The following BIN2 variants were observed in gnomAD, a reference collection of about 807,000 sequenced individuals.
BIN2 encodes breast cancer associated protein BRAP1.
In BIN2, 43 loss-of-function variants were observed where a neutral mutation model predicts 67.9. The observed-to-expected ratio is 0.63, with a 90% CI of 0.50 to 0.82. The LOEUF is 0.82. Among genes scored for constraint, BIN2 ranks in the 40% least tolerant of loss-of-function variants. The pLI is 0.00. For synonymous variants in BIN2, 244 were observed against 246.8 expected, an observed-to-expected ratio of 0.99 and a Z score of 0.11; for missense variants, 581 against 671.6, an observed-to-expected ratio of 0.87 and a Z score of 1.49.
At chr12:51,295,574 AAAAATATAT>A (rs1945528768) in intron 9 of BIN2, among the ~76,000 whole-genome samples, 1 of 16,618 alleles carries the variant, frequency 6.0e-5, no homozygotes, top group African/African-American at 2.7e-4. Flanking sequence ...AAAAAAAAAA[AAAAATATAT>A]ATATATATAT....
chr12:51,283,993 C>CAAAAA (rs34571040), intron 12 of BIN2, among the ~76,000 whole-genome samples: 7 of 133,132 alleles, frequency 5.3e-5, no homozygotes, highest in African/African-American at 8.4e-5. Flanking sequence ...AACTCCGTCT[C>CAAAAA]AAAAAAAAAA....
At chr12:51,304,606 ATGT>A (rs970239338) in intron 2 of BIN2, among the ~76,000 whole-genome samples, 1 of 152,212 alleles carries the variant, frequency 6.6e-6, no homozygotes, top group Non-Finnish European at 1.5e-5. Context: ...AGTTCAGGGG[ATGT>A]TGTACTTGAA....
At chr12:51,295,694 A>G (rs1018389021) in intron 9 of BIN2, 102 bp downstream of exon 9, 6 of 810,290 alleles carry the variant, frequency 7.4e-6, no homozygotes, top group Admixed American at 7.0e-5. Flanking sequence ...CATCACGCAC[A>G]TGCACATAAG....
upstream of BIN2, chr12:51,324,246 G>A: frequency 7.0e-7 from 1 of 1,435,914 alleles, no homozygotes; most frequent in South Asian, 1.5e-5. Context: ...CCAGCCCTGA[G>A]GCCCGCCCCT....
intron 4 of BIN2, 39 bp from the exon 5 acceptor site, chr12:51,302,154 C>T: frequency 1.4e-6 from 2 of 1,464,812 alleles, no homozygotes; most frequent in African/African-American, 1.4e-5. Flanking sequence ...GGCTCCACTT[C>T]CCAACAACAA....
At chr12:51,298,439 G>C (rs1392851943) in intron 7 of BIN2, among the ~76,000 whole-genome samples, 1 of 152,092 alleles carries the variant, frequency 6.6e-6, no homozygotes, top group African/African-American at 2.4e-5. Context: ...TGTAGTCCCA[G>C]CTACTCAGGA....
In BIN2 at chr12:51,302,775, G is replaced by C; in HGVS notation, c.223C>G (p.His75Asp). The C allele has an allele frequency of 6.2e-7, 1 of 1,611,940 alleles. No individual in the cohort carries two copies. The highest frequency in any genetic ancestry group is 8.5e-7 in the Non-Finnish European group (1 of 1,177,994). Residue 75 changes from histidine (H) to aspartate (D), a missense_variant, in exon 4 of 13, where the codon CAT (histidine) becomes GAT (aspartate). Coordinates refer to ENST00000615107, the MANE Select transcript of BIN2 (RefSeq NM_016293.4). ...TCTGACACTCTTTTTGAACTTTCATGCATCACTGAAAGGAGAGAATTCAGT... is the reference window on the plus strand; with the variant it reads ...TCTGACACTCTTTTTGAACTTTCATCCATCACTGAAAGGAGAGAATTCAGT... The part of the protein sequence containing the change: ...KNFLSAVKVM[H>D]ESSKRVSETL...
At chr12:51,318,256 T>G (rs1287119090) in intron 1 of BIN2, among the ~76,000 whole-genome samples, 1 of 147,810 alleles carries the variant, frequency 6.8e-6, no homozygotes, top group Non-Finnish European at 1.5e-5. Context: ...GATTCATATC[T>G]CCATTCTTTT....
chr12:51,306,530 G>A (rs930188461), intron 2 of BIN2, among the ~76,000 whole-genome samples: 12 of 152,356 alleles, frequency 7.9e-5, no homozygotes, highest in Non-Finnish European at 1.5e-4. Flanking sequence ...GGGAGGCTGA[G>A]GCAGGAGAAT....
intron 7 of BIN2, 24 bp downstream of exon 7, chr12:51,299,179 C>A: frequency 6.3e-7 from 1 of 1,576,132 alleles, no homozygotes; most frequent in Non-Finnish European, 8.7e-7. Context: ...AGCAAAGGCA[C>A]CTTTTCTGAA....
chr12:51,294,362 T>C (rs1206990062), intron 9 of BIN2, among the ~76,000 whole-genome samples: 1 of 151,858 alleles, frequency 6.6e-6, no homozygotes, highest in Non-Finnish European at 1.5e-5. Context: ...AGGTCAGAAG[T>C]TCAAGACCAG....
chr12:51,290,682 C>T (rs1945356975), intron 10 of BIN2, among the ~76,000 whole-genome samples: 1 of 151,920 alleles, frequency 6.6e-6, no homozygotes, highest in Admixed American at 6.6e-5. Context: ...CCCTGTAATC[C>T]CAGCACTTTG....
intron 5 of BIN2, among the ~76,000 whole-genome samples, chr12:51,301,720 G>C (rs930781264): frequency 6.6e-6 from 1 of 151,864 alleles, no homozygotes; most frequent in Admixed American, 6.6e-5. Context: ...ATGTTGCCCA[G>C]GCTGGTCCCG....
chr12:51,295,080 G>C (rs542113454), intron 9 of BIN2, among the ~76,000 whole-genome samples: 9 of 152,014 alleles, frequency 5.9e-5, no homozygotes, highest in Non-Finnish European at 1.0e-4. Flanking sequence ...GTACAGTTAC[G>C]CACCACCTTG....
chr12:51,299,421 C>G, intron 6 of BIN2, 133 bp from the exon 7 acceptor site: 1 of 994,800 alleles, frequency 1.0e-6, no homozygotes, highest in African/African-American at 1.6e-5. Context: ...CTGACCATGC[C>G]CTCCCCAGCC....
In BIN2 at chr12:51,324,092, C is replaced by T; in HGVS notation, c.11G>A (p.Gly4Asp). The change falls in exon 1 of 13, where the codon GGC becomes GAC. Residue 4 changes from glycine (G) to aspartate (D), a missense_variant. Gly to Asp is a moderately conservative substitution (Grantham distance 94, BLOSUM62 -1). Coordinates refer to ENST00000615107, the MANE Select transcript of BIN2 (RefSeq NM_016293.4). ...GAGGCCGGCCGCGCCGCCTGCCTTG[C>T]CCTCTGCCATCCTGCCAACTCCCTG... The part of the protein sequence containing the change: MAE[G>D]KAGGAAGLFA... 1 of 1,613,434 alleles carries T rather than the reference C, an allele frequency of 6.2e-7. No individual in the cohort carries two copies. The highest frequency in any genetic ancestry group is 8.5e-7 in the Non-Finnish European group (1 of 1,179,672).
At chr12:51,285,352 G>A (rs757686031) in intron 11 of BIN2, among the ~76,000 whole-genome samples, 7 of 152,252 alleles carry the variant, frequency 4.6e-5, no homozygotes, top group African/African-American at 7.2e-5. Flanking sequence ...GGCTGAGGCA[G>A]GAGGATCACT....
chr12:51,294,964 G>C (rs1424191289), intron 9 of BIN2, among the ~76,000 whole-genome samples: 1 of 152,086 alleles, frequency 6.6e-6, no homozygotes, highest in African/African-American at 2.4e-5. Context: ...ACAGGGTCTT[G>C]CTCTGTCATC....
chr12:51,310,961 G>GT (rs1945977012), intron 2 of BIN2, among the ~76,000 whole-genome samples: 1 of 151,978 alleles, frequency 6.6e-6, no homozygotes, highest in Non-Finnish European at 1.5e-5. Flanking sequence ...GTTTTGCCAT[G>GT]TTGCCCAGGC....
Sources: allele counts gnomAD v4.1 joint callset (sites outside exome capture counted in the v4.1 genomes callset), GRCh38; gene constraint gnomAD v4.1.1; transcripts MANE v1.5; gene names NCBI Gene and HGNC (gene_info 2026-07-23, HGNC 2026-07-21).